The following DNAJC25 variants were observed in gnomAD, a reference collection of about 807,000 sequenced individuals.
DNAJC25 encodes the protein DnaJ heat shock protein family (Hsp40) member C25, also known as dnaJ homolog subfamily C member 25.
In DNAJC25, 26 loss-of-function variants were observed where a neutral mutation model predicts 42.1. The ratio of observed to expected loss-of-function variants is 0.62; its 90% CI spans 0.45 to 0.86. DNAJC25 has a LOEUF of 0.86. Among genes scored for constraint, DNAJC25 ranks in the 40% least tolerant of loss-of-function variants. The pLI is 0.00. For synonymous variants in DNAJC25, 189 were observed against 179.9 expected, an observed-to-expected ratio of 1.05 and a Z score of -0.40; for missense variants, 404 against 459.4, an observed-to-expected ratio of 0.88 and a Z score of 1.10.
chr9:111,641,577 G>A (rs1830467115), intron 1 of DNAJC25, among the ~76,000 whole-genome samples: 1 of 126,016 alleles, frequency 7.9e-6, no homozygotes, highest in African/African-American at 3.4e-5. Context: ...GGAGGGAGGT[G>A]GGGGGGTCGG....
chr9:111,635,958 A>G (rs1470595237), intron 1 of DNAJC25, among the ~76,000 whole-genome samples: 1 of 152,094 alleles, frequency 6.6e-6, no homozygotes, highest in Non-Finnish European at 1.5e-5. Flanking sequence ...CTCTTACTCA[A>G]CCCCTTCTTT....
intron 1 of DNAJC25, among the ~76,000 whole-genome samples, chr9:111,633,547 C>T (rs1260350261): frequency 6.6e-6 from 1 of 152,122 alleles, no homozygotes; most frequent in Non-Finnish European, 1.5e-5. Flanking sequence ...TGTGTCAACC[C>T]ATCTTCTGGA....
chr9:111,640,848 C>T (rs1383249878), intron 1 of DNAJC25, among the ~76,000 whole-genome samples: 1 of 128,250 alleles, frequency 7.8e-6, no homozygotes, highest in Non-Finnish European at 1.6e-5. Context: ...GGGGGCCAGC[C>T]CCCCGCCCGG....
intron 3 of DNAJC25, among the ~76,000 whole-genome samples, chr9:111,651,159 G>A (rs1483327564): frequency 6.6e-6 from 1 of 151,440 alleles, no homozygotes; most frequent in Non-Finnish European, 1.5e-5. Context: ...AGCTACTCGG[G>A]AGGCTGAGGC....
At chr9:111,634,114 T>C (rs978004631) in intron 1 of DNAJC25, among the ~76,000 whole-genome samples, 1 of 152,148 alleles carries the variant, frequency 6.6e-6, no homozygotes, top group African/African-American at 2.4e-5. Flanking sequence ...TCTGGAGATA[T>C]TTTGGACCCT....
At chr9:111,632,647 A>G (rs1421112107) in intron 1 of DNAJC25, among the ~76,000 whole-genome samples, 1 of 151,692 alleles carries the variant, frequency 6.6e-6, no homozygotes, top group Non-Finnish European at 1.5e-5. Context: ...CCATCATACT[A>G]ATGCGTCAGC....
intron 1 of DNAJC25, among the ~76,000 whole-genome samples, chr9:111,633,768 C>A (rs1484787184): frequency 1.3e-5 from 2 of 152,204 alleles, no homozygotes; most frequent in East Asian, 3.9e-4. Flanking sequence ...TGATCAGTGC[C>A]CCCATCCCGG....
chr9:111,653,059 C>A, intron 3 of DNAJC25, 41 bp from the exon 4 acceptor site: 1 of 1,496,174 alleles, frequency 6.7e-7, no homozygotes, highest in Non-Finnish European at 8.9e-7. Context: ...GCAAATGTTC[C>A]TCTTTGGATT....
At chr9:111,641,156 C>T (rs1589343559) in intron 1 of DNAJC25, among the ~76,000 whole-genome samples, 2 of 113,056 alleles carry the variant, frequency 1.8e-5, no homozygotes, top group African/African-American at 4.0e-5. Flanking sequence ...CCCGGCCAGC[C>T]GCCCCATCCG....
intron 1 of DNAJC25, among the ~76,000 whole-genome samples, chr9:111,640,847 C>G (rs1363508871): frequency 8.0e-6 from 1 of 125,410 alleles, no homozygotes; most frequent in East Asian, 2.8e-4. Flanking sequence ...GGGGGGCCAG[C>G]CCCCCGCCCG....
intron 1 of DNAJC25, among the ~76,000 whole-genome samples, chr9:111,638,557 C>T (rs986277010): frequency 1.6e-4 from 25 of 152,138 alleles, no homozygotes; most frequent in African/African-American, 5.8e-4. Context: ...GTTTTCCTTG[C>T]ATCTTCTCCA....
chr9:111,631,418 C>T lies in DNAJC25; in HGVS notation c.11C>T (p.Pro4Leu), dbSNP rs544358015. Residue 4 changes from proline (P) to leucine (L), a missense_variant, in exon 1 of 4, where the codon CCG becomes CTG. Coordinates refer to ENST00000313525, the MANE Select transcript of DNAJC25 (RefSeq NM_001015882.3). MGA[P>L]LLSPGWGAGA... ...CCAGCGAGGCTGGGGATGGGGGCGCCGCTGCTCTCTCCCGGCTGGGGAGCC... is the reference window on the plus strand; with the variant it reads ...CCAGCGAGGCTGGGGATGGGGGCGCTGCTGCTCTCTCCCGGCTGGGGAGCC... 46 of 1,290,210 alleles carry T rather than the reference C, an allele frequency of 3.6e-5. No homozygotes were observed. Among genetic ancestry groups the T allele is most frequent in the African/African-American group, 2.3e-4 (15 of 64,644 alleles). The allele number at this position is 1,290,210 out of a possible 1,614,324, so 79.9% of individuals were successfully genotyped here. A position where few individuals can be genotyped will look rare whatever the true frequency, so the allele number is the denominator to read the frequency against.
chr9:111,650,609 G>T (rs1830644676), intron 3 of DNAJC25, among the ~76,000 whole-genome samples: 1 of 152,062 alleles, frequency 6.6e-6, no homozygotes, highest in Non-Finnish European at 1.5e-5. Flanking sequence ...AAAATTCATT[G>T]GCTATTATGT....
In DNAJC25 at chr9:111,631,392, G is replaced by A; in HGVS notation, c.-16G>A. ...GCAGAATCGCTGGGGTGGCAGAGCC[G>A]CCAGCGAGGCTGGGGATGGGGGCGC... On this transcript the variant is annotated 5_prime_UTR_variant, in exon 1 of 4. Transcript: ENST00000313525. 6 of 1,273,236 alleles carry A rather than the reference G, an allele frequency of 4.7e-6. No homozygotes were observed. In the South Asian group the frequency reaches 8.8e-5, roughly 19 times the overall value. The allele number at this position is 1,273,236 out of a possible 1,614,324, so 78.9% of individuals were successfully genotyped here. A position where few individuals can be genotyped will look rare whatever the true frequency, so the allele number is the denominator to read the frequency against.
Position 111,653,253 on chromosome 9 carries a change from T to C in DNAJC25, c.*31T>C. 1 of 1,454,446 alleles carries C rather than the reference T, an allele frequency of 6.9e-7. No individual in the cohort carries two copies. Among genetic ancestry groups the C allele is most frequent in the Non-Finnish European group, 9.1e-7 (1 of 1,095,934 alleles). The allele number at this position is 1,454,446 out of a possible 1,614,324, so 90.1% of individuals were successfully genotyped here. A position where few individuals can be genotyped will look rare whatever the true frequency, so the allele number is the denominator to read the frequency against. ...GATGGAATGCTACTATGCCAAACCT[T>C]AATTGTGATATTATTTTCATAACTG... On this transcript the variant is annotated 3_prime_UTR_variant, in exon 4 of 4. Transcript: ENST00000313525.
intron 1 of DNAJC25, among the ~76,000 whole-genome samples, chr9:111,636,619 A>G (rs1830366152): frequency 6.6e-6 from 1 of 152,164 alleles, no homozygotes; most frequent in Admixed American, 6.5e-5. Flanking sequence ...GAACCCTAAA[A>G]TTATATAAAT....
At chr9:111,646,962 G>A in intron 1 of DNAJC25, 145 bp from the exon 2 acceptor site, 2 of 936,866 alleles carry the variant, frequency 2.1e-6, no homozygotes, top group Non-Finnish European at 2.9e-6. Flanking sequence ...AGAGCAATGG[G>A]AAATTTTTTG....
chr9:111,639,902 C>T (rs1830420254), intron 1 of DNAJC25, among the ~76,000 whole-genome samples: 1 of 67,014 alleles, frequency 1.5e-5, no homozygotes. Context: ...GAGGAGCTCT[C>T]CCTCTCCCTC....
chr9:111,633,725 G>T (rs146510156), intron 1 of DNAJC25, among the ~76,000 whole-genome samples: 63 of 152,314 alleles, frequency 4.1e-4, no homozygotes, highest in African/African-American at 1.5e-3. Context: ...AGTGATGGTA[G>T]AGATTCCTGC....
Sources: allele counts gnomAD v4.1 joint callset (sites outside exome capture counted in the v4.1 genomes callset), GRCh38; gene constraint gnomAD v4.1.1; transcripts MANE v1.5; gene names NCBI Gene and HGNC (gene_info 2026-07-23, HGNC 2026-07-21).